The following STXBP5L variants were observed in gnomAD, a reference collection of about 807,000 sequenced individuals.
STXBP5L encodes the protein syntaxin binding protein 5L.
A neutral mutation model predicts 144.5 loss-of-function variants in STXBP5L; 65 were observed. That is an observed-to-expected ratio of 0.45 (90% confidence interval 0.37 to 0.55). STXBP5L has a LOEUF of 0.55. Ranked by LOEUF, STXBP5L falls within the 20% of genes least tolerant of loss-of-function variation. The pLI, the probability that STXBP5L is intolerant of heterozygous loss-of-function variation, is 0.00. For missense variants in STXBP5L, 1,298 were observed against 1,405.5 expected, an observed-to-expected ratio of 0.92 and a Z score of 1.22; for synonymous variants, 505 against 469.6, an observed-to-expected ratio of 1.08 and a Z score of -0.97.
intron 19 of STXBP5L, among the ~76,000 whole-genome samples, chr3:121,283,609 T>G (rs1267912345): frequency 6.6e-6 from 1 of 152,020 alleles, no homozygotes; most frequent in Non-Finnish European, 1.5e-5. Flanking sequence ...AATCATTCAT[T>G]ATATATTGTC....
At chr3:120,908,443 GTGTT>G (rs1708643593) in intron 1 of STXBP5L, 109 bp downstream of exon 1, 1 of 156,800 alleles carries the variant, frequency 6.4e-6, no homozygotes, top group East Asian at 1.9e-4. Context: ...GTGTGTGTGT[GTGTT>G]TGAGAGAGAG....
At chr3:121,395,962 AG>A (rs1428242005) in intron 22 of STXBP5L, among the ~76,000 whole-genome samples, 2 of 152,234 alleles carry the variant, frequency 1.3e-5, no homozygotes, top group Non-Finnish European at 2.9e-5. Context: ...CTTATGAAAA[AG>A]TTTCAGGTGT....
At chr3:121,198,598 A>G (rs1458404581) in intron 9 of STXBP5L, among the ~76,000 whole-genome samples, 3 of 152,158 alleles carry the variant, frequency 2.0e-5, no homozygotes, top group Non-Finnish European at 4.4e-5. Context: ...GTTTTCTTCT[A>G]GGATTTTTTA....
rs927792294 is a variant in STXBP5L, at chr3:121,279,806, G to A, written c.1960G>A (p.Val654Ile). The change falls in exon 19 of 27, where the codon GTT becomes ATT. Residue 654 changes from valine to isoleucine, a missense_variant and splice_region_variant. Val to Ile is a conservative substitution (Grantham distance 29). Coordinates refer to ENST00000471454, the MANE Select transcript of STXBP5L (RefSeq NM_001308330.2). ...AGTTGTATTTTTTTTCTCTCTTAGA[G>A]TTGCATTTGGGAACTGCAATGGGTT... ...SLAVSSAYGI[V>I]AFGNCNGLAV... 1.4e-5 allele frequency: 23 copies of A among 1,611,466 alleles called. No homozygotes were observed. The highest frequency in any genetic ancestry group is 1.6e-4 in the Middle Eastern group (1 of 6,068).
intron 5 of STXBP5L, among the ~76,000 whole-genome samples, chr3:121,055,234 A>C (rs1164808309): frequency 6.6e-6 from 1 of 152,172 alleles, no homozygotes; most frequent in East Asian, 1.9e-4. Context: ...AAAATTATCT[A>C]TCGAAGTATG....
intron 6 of STXBP5L, among the ~76,000 whole-genome samples, chr3:121,117,713 T>C (rs2044293307): frequency 6.6e-6 from 1 of 151,796 alleles, no homozygotes; most frequent in Non-Finnish European, 1.5e-5. Flanking sequence ...ATACTTTTCA[T>C]TTAATGTTTA....
At chr3:121,031,226 ATGAC>A (rs1946346317) in intron 3 of STXBP5L, among the ~76,000 whole-genome samples, 1 of 152,222 alleles carries the variant, frequency 6.6e-6, no homozygotes, top group South Asian at 2.1e-4. Flanking sequence ...TTGTAGAAAG[ATGAC>A]TGAGGATGCA....
At chr3:121,340,088 A>G (rs1442114372) in intron 20 of STXBP5L, among the ~76,000 whole-genome samples, 2 of 152,284 alleles carry the variant, frequency 1.3e-5, no homozygotes, top group African/African-American at 4.8e-5. Flanking sequence ...AAGAGCCCAA[A>G]TAGCCAAAGC....
chr3:121,413,177 A>G lies in STXBP5L; in HGVS notation c.2968A>G (p.Met990Val), dbSNP rs192144338. The change falls in exon 24 of 27, where the codon ATG becomes GTG. Residue 990 changes from methionine to valine, a missense_variant. Physicochemically the swap from Met to Val is conservative, Grantham distance 21. Transcript: ENST00000471454. Reference protein sequence around the residue: ...MIMSLPSLRPMLDVNYLPLTD... With the variant: ...MIMSLPSLRPVLDVNYLPLTD... The stretch of plus-strand genomic sequence containing the variant: ...ATTCAGCCTACCTAGTCTTCGCCCA[A>G]TGTTGGATGTTAATTATTTGCCACT... The G allele has an allele frequency of 2.9e-5, 47 of 1,601,488 alleles. No individual in the cohort carries two copies. The highest frequency in any genetic ancestry group is 1.4e-4 in the Admixed American group (8 of 56,922).
chr3:121,100,862 A>G (rs966736996), intron 5 of STXBP5L, among the ~76,000 whole-genome samples: 2 of 151,944 alleles, frequency 1.3e-5, no homozygotes, highest in Non-Finnish European at 2.9e-5. Context: ...TTAACAAAGA[A>G]AAAAAAGAGG....
chr3:121,046,123 A>G (rs1274629194), intron 5 of STXBP5L, among the ~76,000 whole-genome samples: 1 of 152,152 alleles, frequency 6.6e-6, no homozygotes, highest in East Asian at 1.9e-4. Flanking sequence ...TGAGATAGTC[A>G]TGTGGTTTTT....
At chr3:121,229,232 A>T (rs1008465856) in intron 11 of STXBP5L, among the ~76,000 whole-genome samples, 5 of 151,346 alleles carry the variant, frequency 3.3e-5, no homozygotes. Flanking sequence ...TACATCTATA[A>T]CTCTCCTTAC....
intron 19 of STXBP5L, among the ~76,000 whole-genome samples, chr3:121,294,785 A>G (rs1219349623): frequency 6.6e-6 from 1 of 152,122 alleles, no homozygotes; most frequent in East Asian, 1.9e-4. Context: ...AGAAAAAACA[A>G]AACAAAACAA....
chr3:121,025,326 G>T (rs1945850833), intron 3 of STXBP5L, among the ~76,000 whole-genome samples: 1 of 152,130 alleles, frequency 6.6e-6, no homozygotes, highest in Non-Finnish European at 1.5e-5. Flanking sequence ...TGAGGGAGTA[G>T]TTGGGATAGC....
chr3:121,025,870 T>C (rs907368746), intron 3 of STXBP5L, among the ~76,000 whole-genome samples: 2 of 146,782 alleles, frequency 1.4e-5, no homozygotes, highest in Non-Finnish European at 3.0e-5. Flanking sequence ...TTAAATTATA[T>C]TATAATTATT....
Position 121,418,249 on chromosome 3 carries a change from T to C in STXBP5L, c.3227-88T>C, listed in dbSNP as rs2047283917. On this transcript the variant is annotated intron_variant, in intron 25 of 26. Transcript: ENST00000471454. ...TTTAATGAGAATTATGACAGTAGAA[T>C]GTAATACTAGTACTTTGTCTTGGTG... is the stretch of plus-strand genomic sequence containing the variant. 3 of 1,371,162 alleles carry C rather than the reference T, an allele frequency of 2.2e-6. No individual in the cohort carries two copies. The South Asian group carries it at 4.3e-5, about 20-fold the overall frequency. The allele number at this position is 1,371,162 out of a possible 1,614,324, so 84.9% of individuals were successfully genotyped here.
intron 5 of STXBP5L, among the ~76,000 whole-genome samples, chr3:121,082,891 TC>T (rs2107699053): frequency 6.6e-6 from 1 of 152,340 alleles, no homozygotes; most frequent in South Asian, 2.1e-4. Context: ...TATTTAGTAA[TC>T]TTTTGTTAAG....
intron 20 of STXBP5L, among the ~76,000 whole-genome samples, chr3:121,348,814 C>T (rs1328216946): frequency 6.6e-6 from 1 of 151,966 alleles, no homozygotes; most frequent in African/African-American, 2.4e-5. Context: ...TCCCCTTTAT[C>T]ATTATTTATT....
In STXBP5L at chr3:120,990,518, C is replaced by G. The variant is rs377170808; in HGVS notation, c.287+35481C>G. 4.1e-3 allele frequency among the ~76,000 whole-genome samples: 618 copies of G among 151,984 alleles called. 8 individuals are homozygous for G. Among genetic ancestry groups the G allele is most frequent in the African/African-American group, 0.012 (506 of 41,478 alleles). ...TCGCCAAGTCAATCCTAAGCCAAAACAACAAAGCTGGAGGCATCACGCTAC... is the reference window on the plus strand; with the variant it reads ...TCGCCAAGTCAATCCTAAGCCAAAAGAACAAAGCTGGAGGCATCACGCTAC... On this transcript the variant is annotated intron_variant, in intron 3 of 26. Transcript: ENST00000471454.
Sources: allele counts gnomAD v4.1 joint callset (sites outside exome capture counted in the v4.1 genomes callset), GRCh38; gene constraint gnomAD v4.1.1; transcripts MANE v1.5; gene names NCBI Gene and HGNC (gene_info 2026-07-23, HGNC 2026-07-21).